FSIP1: variants seen among roughly 807,000 people sequenced by gnomAD.
FSIP1 encodes fibrous sheath interacting protein 1, also known as fibrous sheath-interacting protein 1.
Under a neutral mutation model 60.9 loss-of-function variants are expected in FSIP1, and 65 were observed. The ratio of observed to expected loss-of-function variants is 1.07; its 90% confidence interval spans 0.87 to 1.31. The LOEUF (loss-of-function observed/expected upper bound fraction) is 1.31, where lower values mean the gene tolerates loss of function less well. Among genes scored for constraint, FSIP1 ranks in the 40% most tolerant of loss-of-function variants. The pLI is 0.00. For synonymous variants in FSIP1, 209 were observed against 221.2 expected (o/e 0.94, Z 0.49); for missense variants, 675 against 665.5 (o/e 1.01, Z -0.16).
At chr15:39,604,025 G>A (rs566983237) in intron 11 of FSIP1, among the ~76,000 whole-genome samples, 11 of 152,262 alleles carry the variant, frequency 7.2e-5, no homozygotes, top group Admixed American at 3.3e-4. Context: ...TCCACCTCCC[G>A]AGTTCAAGCG....
intron 10 of FSIP1, among the ~76,000 whole-genome samples, chr15:39,673,448 G>T (rs1893797904): frequency 6.6e-6 from 1 of 151,990 alleles, no homozygotes; most frequent in Non-Finnish European, 1.5e-5. Flanking sequence ...CAAGTAGCTG[G>T]GACCACAGGC....
chr15:39,770,588 T>C lies in FSIP1; in HGVS notation c.149A>G (p.Asn50Ser), dbSNP rs1001622563. The C allele has an allele frequency of 6.5e-7, 1 of 1,541,346 alleles. No homozygotes were observed. Among genetic ancestry groups the C allele is most frequent in the Non-Finnish European group, 8.7e-7 (1 of 1,149,118 alleles). Residue 50 changes from asparagine (N) to serine (S), a missense_variant, in exon 3 of 12, where the codon AAC becomes AGC. Transcript: ENST00000350221. ...SFKVDTASNL[N>S]SGKEDHSESS... The stretch of plus-strand genomic sequence containing the variant: ...TTCGGAGTGGTCCTCTTTACCAGAG[T>C]TCAAGTTGCTTGCAGTATCGACCTA...
chr15:39,762,265 C>G (rs2140699821), intron 5 of FSIP1, among the ~76,000 whole-genome samples: 1 of 152,320 alleles, frequency 6.6e-6, no homozygotes, highest in Non-Finnish European at 1.5e-5. Context: ...AAGGTGTCAG[C>G]AGAGCATTCC....
intron 8 of FSIP1, among the ~76,000 whole-genome samples, chr15:39,735,929 C>T (rs1184418179): frequency 1.3e-5 from 2 of 152,112 alleles, no homozygotes; most frequent in African/African-American, 4.8e-5. Context: ...ATATCTTGTC[C>T]CACTGGAAGG....
Position 39,741,854 on chromosome 15 carries a change from A to C in FSIP1, c.606T>G (p.Thr202=). 1 of 1,607,416 alleles carries C rather than the reference A, an allele frequency of 6.2e-7. No individual in the cohort carries two copies. The highest frequency in any genetic ancestry group is 8.5e-7 in the Non-Finnish European group (1 of 1,174,422). ...EEDTFSSVFH[T]QIPPEEYEMQ... is the part of the protein sequence containing the mutation. ...TTTCATATTCTTCTGGAGGGATTTG[A>C]GTATGAAACACTGAGGAAAAGGTGT... Residue 202 remains threonine (T), a synonymous_variant, in exon 6 of 12, where the codon ACT becomes ACG. Transcript: ENST00000350221.
chr15:39,711,676 CTTTTTTTTTT>C (rs66840718), intron 10 of FSIP1, among the ~76,000 whole-genome samples: 10 of 85,736 alleles, frequency 1.2e-4, no homozygotes, highest in Admixed American at 3.8e-4. Context: ...ATTCCTACTT[CTTTTTTTTTT>C]TTTTTTTTTT....
At chr15:39,637,852 TC>T (rs1391176698) in intron 10 of FSIP1, among the ~76,000 whole-genome samples, 2 of 152,008 alleles carry the variant, frequency 1.3e-5, no homozygotes, top group Non-Finnish European at 2.9e-5. Context: ...TGGGGAAGCA[TC>T]ATTACAGAAA....
intron 10 of FSIP1, among the ~76,000 whole-genome samples, chr15:39,659,446 G>A (rs1315117795): frequency 1.3e-5 from 2 of 151,708 alleles, no homozygotes; most frequent in Non-Finnish European, 2.9e-5. Flanking sequence ...GGAGGCTGAG[G>A]CAGGAGAATG....
At position 39,751,839 on chromosome 15, in the gene FSIP1, G is replaced by A. The variant is rs556146128; in HGVS notation, c.560-9939C>T. On this transcript the variant is annotated intron_variant, in intron 5 of 11. Transcript: ENST00000350221. ...TCCCATGATGGGGGTTTGGGGAGAG[G>A]AAATGGGTAACTATGTGAGGTGACT... 9.2e-5 allele frequency among the ~76,000 whole-genome samples: 14 copies of A among 151,996 alleles called. No homozygotes were observed. In the South Asian group the frequency reaches 1.9e-3, roughly 20 times the overall value.
chr15:39,715,547 G>T (rs1895706918), intron 9 of FSIP1, among the ~76,000 whole-genome samples: 1 of 152,158 alleles, frequency 6.6e-6, no homozygotes, highest in African/African-American at 2.4e-5. Flanking sequence ...ATTGTATACA[G>T]TTCTACCAAG....
chr15:39,605,872 A>T (rs548435447), intron 11 of FSIP1, among the ~76,000 whole-genome samples: 1 of 152,370 alleles, frequency 6.6e-6, no homozygotes, highest in South Asian at 2.1e-4. Flanking sequence ...AAGCCATCTT[A>T]TATGATAGAC....
intron 1 of FSIP1, among the ~76,000 whole-genome samples, chr15:39,780,095 G>C (rs888840450): frequency 6.6e-6 from 1 of 152,184 alleles, no homozygotes; most frequent in Non-Finnish European, 1.5e-5. Context: ...CCAAGAATTA[G>C]TGTTAATAGA....
Position 39,600,663 on chromosome 15 carries a change from A to G in FSIP1, c.*217T>C, listed in dbSNP as rs553956879. ...AAGATTAGCAATAAATTTATAAACA[A>G]TGGTCCCAGAAATTTTAATGAGCAA... is the stretch of plus-strand genomic sequence containing the variant. On this transcript the variant is annotated 3_prime_UTR_variant, in exon 12 of 12. Transcript: ENST00000350221. The G allele has an allele frequency of 6.2e-5, 30 of 484,680 alleles. No individual in the cohort carries two copies. Among genetic ancestry groups the G allele is most frequent in the Non-Finnish European group, 9.4e-5 (26 of 275,638 alleles). The allele number at this position is 484,680 out of a possible 1,614,324, so 30.0% of individuals were successfully genotyped here. A position where few individuals can be genotyped will look rare whatever the true frequency, so the allele number is the denominator to read the frequency against.
At chr15:39,737,461 G>A (rs1157017089) in intron 8 of FSIP1, among the ~76,000 whole-genome samples, 2 of 152,074 alleles carry the variant, frequency 1.3e-5, no homozygotes, top group East Asian at 3.9e-4. Flanking sequence ...CCAGTTTAGG[G>A]ACAATAAGAA....
chr15:39,671,546 G>A (rs1209647888), intron 10 of FSIP1, among the ~76,000 whole-genome samples: 1 of 152,094 alleles, frequency 6.6e-6, no homozygotes, highest in Non-Finnish European at 1.5e-5. Flanking sequence ...ACTCCTGGGC[G>A]CAACCACCAA....
chr15:39,714,788 G>A (rs1895669725), intron 9 of FSIP1, among the ~76,000 whole-genome samples: 1 of 151,158 alleles, frequency 6.6e-6, no homozygotes, highest in African/African-American at 2.4e-5. Context: ...GGGCAACACA[G>A]TGAGACCCCA....
intron 5 of FSIP1, among the ~76,000 whole-genome samples, chr15:39,750,137 T>C (rs901768269): frequency 6.6e-6 from 1 of 151,782 alleles, no homozygotes; most frequent in Non-Finnish European, 1.5e-5. Context: ...CTAAAAACTA[T>C]AAAACATTGG....
At chr15:39,632,521 A>G (rs66781090) in intron 10 of FSIP1, among the ~76,000 whole-genome samples, 60,108 of 151,824 alleles carry the variant, frequency 0.4, 14,269 homozygotes, top group African/African-American at 0.68. Context: ...TTGGCCAGGC[A>G]TGGTGGCTCA....
At chr15:39,701,362 A>G (rs976694005) in intron 10 of FSIP1, among the ~76,000 whole-genome samples, 4 of 152,198 alleles carry the variant, frequency 2.6e-5, no homozygotes, top group African/African-American at 9.6e-5. Context: ...ATTCTTGCAC[A>G]TGTAGGTTGT....
Sources: gnomAD v4.1 joint callset for allele counts (sites outside exome capture counted in the v4.1 genomes callset) on GRCh38, gnomAD v4.1.1 for gene constraint, MANE v1.5 for transcripts, NCBI Gene and HGNC (gene_info 2026-07-23, HGNC 2026-07-21) for gene names.